The following COPG2 variants were observed in gnomAD, a reference collection of about 807,000 sequenced individuals.
COPG2 encodes the protein coatomer subunit gamma-2.
COPG2 carries 37 observed loss-of-function variants against 46.3 expected under a neutral mutation model. The observed-to-expected ratio is 0.80, with a 90% CI of 0.61 to 1.05. The LOEUF is 1.05. COPG2 is among the 50% of genes least tolerant of loss of function. COPG2 has a pLI of 0.00. For missense variants in COPG2, 427 were observed against 387.8 expected (o/e 1.10, Z -0.85); for synonymous variants, 159 against 129.7 (o/e 1.23, Z -1.53).
intron 11 of COPG2, among the ~76,000 whole-genome samples, chr7:130,562,208 A>G (rs1385635078): frequency 1.3e-5 from 2 of 152,092 alleles, no homozygotes; most frequent in Non-Finnish European, 2.9e-5. Context: ...AAAATACAAA[A>G]ATTAGCCGGA....
intron 5 of COPG2, among the ~76,000 whole-genome samples, chr7:130,647,428 A>G (rs1554458458): frequency 4.6e-5 from 7 of 152,196 alleles, no homozygotes. Context: ...AACTTTTTGA[A>G]GAACCCTCAT....
chr7:130,545,124 C>A (rs1793417668), intron 20 of COPG2, among the ~76,000 whole-genome samples: 1 of 151,962 alleles, frequency 6.6e-6, no homozygotes, highest in Non-Finnish European at 1.5e-5. Flanking sequence ...GAATTAAACA[C>A]CAAAAGGTTC....
chr7:130,591,858 T>G (rs1436601793), intron 9 of COPG2, among the ~76,000 whole-genome samples: 46 of 151,322 alleles, frequency 3.0e-4, no homozygotes, highest in Admixed American at 1.6e-3. Context: ...TACTGGGAAG[T>G]GAGGAGCCCC....
chr7:130,509,749 CTG>C (rs781893641), intron 20 of COPG2: 219 of 509,786 alleles, frequency 4.3e-4, no homozygotes, highest in Non-Finnish European at 5.1e-4. Context: ...AGTGTGTGGG[CTG>C]TGTGTGTGTG....
intron 9 of COPG2, among the ~76,000 whole-genome samples, chr7:130,589,570 C>T (rs1554448532): frequency 1.3e-5 from 2 of 152,164 alleles, no homozygotes; most frequent in East Asian, 3.8e-4. Flanking sequence ...CAGGTGTGTG[C>T]CACCGCACCT....
chr7:130,585,352 A>G (rs1008617408), intron 9 of COPG2, among the ~76,000 whole-genome samples: 1 of 152,146 alleles, frequency 6.6e-6, no homozygotes, highest in South Asian at 2.1e-4. Flanking sequence ...AAGACCTGAA[A>G]CTATAAAAAT....
At chr7:130,589,200 C>T (rs1231415257) in intron 9 of COPG2, among the ~76,000 whole-genome samples, 2 of 152,042 alleles carry the variant, frequency 1.3e-5, no homozygotes, top group African/African-American at 4.8e-5. Context: ...GTATATGTTT[C>T]CTTGTGAAAG....
intron 5 of COPG2, among the ~76,000 whole-genome samples, chr7:130,635,151 G>C (rs1795310831): frequency 6.6e-6 from 1 of 151,304 alleles, no homozygotes; most frequent in African/African-American, 2.4e-5. Context: ...TGTTCATCAG[G>C]GTTATTGGCC....
chr7:130,540,506 A>T (rs2116370072), intron 20 of COPG2, among the ~76,000 whole-genome samples: 1 of 152,208 alleles, frequency 6.6e-6, no homozygotes, highest in Admixed American at 6.5e-5. Flanking sequence ...ATCAGGTGGG[A>T]GGACAAGACG....
rs1794963520 is a variant in COPG2, at chr7:130,617,038, T to C, written c.351A>G (p.Glu117=). 1 of 1,610,396 alleles carries C rather than the reference T, an allele frequency of 6.2e-7. No homozygotes were observed. Among genetic ancestry groups the C allele is most frequent in the Admixed American group, 1.7e-5 (1 of 59,800 alleles). The change falls in exon 6 of 24, where the codon GAA becomes GAG. Residue 117 remains glutamate (E), a synonymous_variant. Coordinates refer to ENST00000425248, the MANE Select transcript of COPG2 (RefSeq NM_012133.6). ...TGATGGCCGGGCCTCGGTATACATCTTCTTTTCCAGTCATGTCTTTAGTCA... is the reference window on the plus strand; with the variant it reads ...TGATGGCCGGGCCTCGGTATACATCCTCTTTTCCAGTCATGTCTTTAGTCA... ...SSLTKDMTGK[E]DVYRGPAIRA... is the part of the protein sequence containing the mutation.
At chr7:130,540,128 T>A (rs1757030148) in intron 20 of COPG2, among the ~76,000 whole-genome samples, 1 of 150,652 alleles carries the variant, frequency 6.6e-6, no homozygotes, top group African/African-American at 2.4e-5. Context: ...GGGGTGTGAG[T>A]GGGAGAGGAG....
At chr7:130,638,830 T>G (rs992988194) in intron 5 of COPG2, among the ~76,000 whole-genome samples, 3 of 152,128 alleles carry the variant, frequency 2.0e-5, no homozygotes, top group Non-Finnish European at 2.9e-5. Context: ...CCGCCCAGTT[T>G]TGTCCTTGAA....
intron 6 of COPG2, 38 bp downstream of exon 6, chr7:130,616,952 G>GTGTT: frequency 7.4e-7 from 1 of 1,342,542 alleles, no homozygotes; most frequent in African/African-American, 1.5e-5. Flanking sequence ...GATAAACATA[G>GTGTT]TGTTCCATTT....
At chr7:130,538,699 C>A (rs1235242727) in intron 20 of COPG2, among the ~76,000 whole-genome samples, 1 of 151,600 alleles carries the variant, frequency 6.6e-6, no homozygotes, top group Admixed American at 6.6e-5. Flanking sequence ...AGGGGATGGA[C>A]TCATGTGTTT....
rs895610390 is a variant in COPG2, at chr7:130,550,728, T to G, written c.1649-79A>C. 72 of 385,244 alleles carry G rather than the reference T, an allele frequency of 1.9e-4. 1 individual carries two copies. Among genetic ancestry groups the G allele is most frequent in the Middle Eastern group, 6.6e-4 (1 of 1,512 alleles). 23.9% of individuals were successfully genotyped at this position (385,244 alleles called of 1,614,324 possible). A position where few individuals can be genotyped will look rare whatever the true frequency, so the allele number is the denominator to read the frequency against. On this transcript the variant is annotated intron_variant, in intron 16 of 23. Transcript: ENST00000425248. ...CAAATAGGCCCAGGTTTGTAATATT[T>G]ATCTAAGCTTTCTGAAGGAAGAGAA...
intron 4 of COPG2, 67 bp from the exon 5 acceptor site, chr7:130,653,015 T>G (rs1795777907): frequency 2.0e-6 from 2 of 977,606 alleles, no homozygotes; most frequent in East Asian, 5.2e-5. Flanking sequence ...TTATTTGAAG[T>G]GAGGACCCCA....
At chr7:130,513,696 A>G (rs1351926721) in intron 20 of COPG2, among the ~76,000 whole-genome samples, 3 of 152,154 alleles carry the variant, frequency 2.0e-5, no homozygotes, top group African/African-American at 7.2e-5. Flanking sequence ...CAGTGGCAGG[A>G]ACCCTATGAA....
rs78233904 is a variant in COPG2 at position 130,612,132 on chromosome 7, A to G, written c.579+20T>C. ...AGAATGCTGATCCTGAGACAAGCTA[A>G]TGTGATTCAATGACAATACCTGGAC... On this transcript the variant is annotated intron_variant, in intron 8 of 23. Coordinates refer to ENST00000425248, the MANE Select transcript of COPG2 (RefSeq NM_012133.6). The G allele has an allele frequency of 4.0e-4, 618 of 1,533,538 alleles. 5 individuals carry two copies. The African/African-American group carries it at 7.4e-3, about 18-fold the overall frequency. 95.0% of individuals were successfully genotyped at this position (1,533,538 alleles called of 1,614,324 possible).
chr7:130,621,652 T>C (rs938783261), intron 5 of COPG2, among the ~76,000 whole-genome samples: 3 of 151,640 alleles, frequency 2.0e-5, no homozygotes, highest in African/African-American at 4.8e-5. Flanking sequence ...CTACTAAAAA[T>C]ATAAAAAACT....
Sources: allele counts gnomAD v4.1 joint callset (sites outside exome capture counted in the v4.1 genomes callset), GRCh38; gene constraint gnomAD v4.1.1; transcripts MANE v1.5; gene names NCBI Gene and HGNC (gene_info 2026-07-23, HGNC 2026-07-21).